KIF13B: variants seen among roughly 807,000 people sequenced by gnomAD.
The protein encoded by KIF13B is kinesin-like protein KIF13B.
Under a neutral mutation model 222.0 loss-of-function variants are expected in KIF13B, and 127 were observed. The ratio of observed to expected loss-of-function variants is 0.57; its 90% confidence interval spans 0.50 to 0.66. The LOEUF is 0.66. Among genes scored for constraint, KIF13B ranks in the 30% least tolerant of loss-of-function variants. The pLI is 0.00. For missense variants in KIF13B, 2,173 were observed against 2,379.0 expected (o/e 0.91, Z 1.80); for synonymous variants, 976 against 919.0 (o/e 1.06, Z -1.12).
At chr8:29,101,134 C>A (rs564296227) in intron 35 of KIF13B, among the ~76,000 whole-genome samples, 3 of 152,270 alleles carry the variant, frequency 2.0e-5, no homozygotes, top group African/African-American at 7.2e-5. Flanking sequence ...GATTTACATA[C>A]TTGAATGTTT....
Position 29,196,196 on chromosome 8 carries a change from G to A in KIF13B, c.153C>T (p.Gly51=). The stretch of plus-strand genomic sequence containing the variant: ...AAACCAAATCTCTTACCTTCGGCTG[G>A]CCCCTGAGCTCCCAAAACAGATGTC... ...NTNLSKGDAR[G]QPKVFAYDHC... is the part of the protein sequence containing the mutation. The change falls in exon 3 of 40, where the codon GGC becomes GGT. Residue 51 remains glycine (G), a synonymous_variant. Transcript: ENST00000524189. 1 of 1,563,804 alleles carries A rather than the reference G, an allele frequency of 6.4e-7. No individual in the cohort carries two copies.
In KIF13B at chr8:29,097,417, A is replaced by C. The variant is rs140359854; in HGVS notation, c.4324+1716T>G. Reference sequence around the variant, plus strand: ...TATTTGGATATCTAATGCCCTCTCAAGAACTGATGGAATAGGCCTCCACCA... The same window carrying C: ...TATTTGGATATCTAATGCCCTCTCACGAACTGATGGAATAGGCCTCCACCA... On this transcript the variant is annotated intron_variant, in intron 36 of 39. Transcript: ENST00000524189. 5.8e-4 allele frequency among the ~76,000 whole-genome samples: 89 copies of C among 152,352 alleles called. 1 individual carries two copies. The East Asian group carries it at 0.014, about 24-fold the overall frequency.
chr8:29,154,503 A>C (rs923483979), intron 14 of KIF13B, among the ~76,000 whole-genome samples: 1 of 152,188 alleles, frequency 6.6e-6, no homozygotes, highest in Non-Finnish European at 1.5e-5. Flanking sequence ...GGGGTTCCAC[A>C]TATGCTGGGT....
chr8:29,160,688 T>C, intron 13 of KIF13B, 45 bp downstream of exon 13: 1 of 1,570,086 alleles, frequency 6.4e-7, no homozygotes, highest in Non-Finnish European at 8.7e-7. Context: ...TGAAATATTG[T>C]CCTATTTTGT....
intron 2 of KIF13B, among the ~76,000 whole-genome samples, chr8:29,239,101 T>G (rs1449649298): frequency 2.0e-5 from 3 of 152,158 alleles, no homozygotes; most frequent in Non-Finnish European, 2.9e-5. Context: ...TCTAGGCTGA[T>G]GTCTTTAGCA....
At chr8:29,244,066 T>A (rs1462207053) in intron 2 of KIF13B, among the ~76,000 whole-genome samples, 1 of 152,118 alleles carries the variant, frequency 6.6e-6, no homozygotes, top group African/African-American at 2.4e-5. Flanking sequence ...CAGGCTGGAG[T>A]GCAGTGGTGT....
At chr8:29,227,538 C>T (rs527663990) in intron 2 of KIF13B, among the ~76,000 whole-genome samples, 3 of 152,130 alleles carry the variant, frequency 2.0e-5, no homozygotes, top group Non-Finnish European at 2.9e-5. Context: ...TATTTCAATA[C>T]GTATCTGGTT....
chr8:29,182,517 A>G (rs1812752891), intron 6 of KIF13B, among the ~76,000 whole-genome samples: 1 of 152,178 alleles, frequency 6.6e-6, no homozygotes, highest in African/African-American at 2.4e-5. Flanking sequence ...AAGGGGGCGG[A>G]GGAGGGAAGT....
chr8:29,127,954 TGTTA>T (rs1413497052), intron 24 of KIF13B, among the ~76,000 whole-genome samples: 3 of 151,798 alleles, frequency 2.0e-5, no homozygotes, highest in Non-Finnish European at 4.4e-5. Context: ...ACTATACAGT[TGTTA>T]AAGTATTACT....
intron 37 of KIF13B, among the ~76,000 whole-genome samples, chr8:29,080,557 C>T (rs1050200215): frequency 6.6e-6 from 1 of 152,194 alleles, no homozygotes; most frequent in Admixed American, 6.5e-5. Flanking sequence ...AGGCTCCAGA[C>T]CCTGACAGGG....
intron 5 of KIF13B, 23 bp downstream of exon 5, chr8:29,188,492 G>T (rs750313941): frequency 1.5e-6 from 2 of 1,377,502 alleles, no homozygotes; most frequent in Non-Finnish European, 2.1e-6. Flanking sequence ...TTGTTTATGT[G>T]ATTTCATGTT....
intron 1 of KIF13B, among the ~76,000 whole-genome samples, chr8:29,260,608 GTTTT>G (rs1816644112): frequency 6.6e-6 from 1 of 150,472 alleles, no homozygotes; most frequent in African/African-American, 2.4e-5. Flanking sequence ...AAGAAATATG[GTTTT>G]GTTTTAGTCT....
intron 2 of KIF13B, among the ~76,000 whole-genome samples, chr8:29,203,265 GT>G (rs1813778856): frequency 6.6e-6 from 1 of 152,182 alleles, no homozygotes; most frequent in Non-Finnish European, 1.5e-5. Flanking sequence ...TTTCACCCAT[GT>G]GGGACTGACC....
chr8:29,187,992 C>T (rs978358929), intron 5 of KIF13B, among the ~76,000 whole-genome samples: 6 of 152,172 alleles, frequency 3.9e-5, no homozygotes, highest in Non-Finnish European at 2.9e-5. Flanking sequence ...CCTTTCAACA[C>T]GACACATGAG....
intron 36 of KIF13B, 60 bp from the exon 37 acceptor site, chr8:29,092,938 C>T: frequency 2.1e-6 from 3 of 1,444,566 alleles, no homozygotes; most frequent in Non-Finnish European, 2.8e-6. Flanking sequence ...ATCTTCTTTC[C>T]TGTACATTTG....
At chr8:29,238,032 CAG>C (rs1216274939) in intron 2 of KIF13B, among the ~76,000 whole-genome samples, 2 of 152,198 alleles carry the variant, frequency 1.3e-5, no homozygotes, top group Non-Finnish European at 2.9e-5. Flanking sequence ...TCCAGAGGAG[CAG>C]ACTCTATTTG....
chr8:29,108,433 C>G (rs1809198274), intron 34 of KIF13B, among the ~76,000 whole-genome samples: 1 of 152,198 alleles, frequency 6.6e-6, no homozygotes, highest in African/African-American at 2.4e-5. Flanking sequence ...ACACTGAGGT[C>G]ACAACCGGCT....
chr8:29,186,894 G>A (rs972486318), intron 5 of KIF13B, among the ~76,000 whole-genome samples: 3 of 151,344 alleles, frequency 2.0e-5, no homozygotes, highest in Admixed American at 6.6e-5. Context: ...GCTTGAACCC[G>A]GGAGGCGGAG....
At chr8:29,181,118 G>A (rs189357378) in intron 7 of KIF13B, among the ~76,000 whole-genome samples, 80 of 152,182 alleles carry the variant, frequency 5.3e-4, no homozygotes, top group Non-Finnish European at 9.1e-4. Context: ...ATTAAAATAC[G>A]CCATCTGGGA....
Sources: allele counts gnomAD v4.1 joint callset (sites outside exome capture counted in the v4.1 genomes callset), GRCh38; gene constraint gnomAD v4.1.1; transcripts MANE v1.5; gene names NCBI Gene and HGNC (gene_info 2026-07-23, HGNC 2026-07-21).